CYP27B1: variants seen among roughly 807,000 people sequenced by gnomAD.
CYP27B1 encodes the protein 25-hydroxyvitamin D-1 alpha hydroxylase, mitochondrial.
A neutral mutation model predicts 54.8 loss-of-function variants in CYP27B1; 46 were observed. The observed-to-expected ratio is 0.84, with a 90% CI of 0.66 to 1.07. The LOEUF (loss-of-function observed/expected upper bound fraction) is 1.07. Among genes scored for constraint, CYP27B1 ranks in the 50% least tolerant of loss-of-function variants. The pLI is 0.00. For missense variants in CYP27B1, 674 were observed against 692.2 expected (o/e 0.97, Z 0.30); for synonymous variants, 292 against 297.3 (o/e 0.98, Z 0.18).
At position 57,766,007 on chromosome 12, in the gene CYP27B1, G is replaced by T; in HGVS notation, c.386C>A (p.Ala129Glu). 1 of 1,567,832 alleles carries T rather than the reference G, an allele frequency of 6.4e-7. No homozygotes were observed. The highest frequency in any genetic ancestry group is 8.6e-7 in the Non-Finnish European group (1 of 1,161,750). ...CRQRACGLLT[A>E]EGEEWQRLRS... Reference sequence around the variant, plus strand: ...GCTTCTGGGGGCAGAGAAGACTCACGCAGTGAGCAGTCCGCAAGCCCGCTG... The same window carrying T: ...GCTTCTGGGGGCAGAGAAGACTCACTCAGTGAGCAGTCCGCAAGCCCGCTG... Residue 129 changes from alanine (A) to glutamate (E), a missense_variant and splice_region_variant, in exon 2 of 9, where the codon GCG (alanine) becomes GAG (glutamate). Coordinates refer to ENST00000228606, the MANE Select transcript of CYP27B1 (RefSeq NM_000785.4).
Position 57,766,981 on chromosome 12 carries a change from A to G in CYP27B1, c.61T>C (p.Leu21=). 1.2e-6 allele frequency: 2 copies of G among 1,614,070 alleles called. No individual in the cohort carries two copies. Among genetic ancestry groups the G allele is most frequent in the Non-Finnish European group, 1.7e-6 (2 of 1,180,002 alleles). Residue 21 remains leucine, a synonymous_variant, in exon 1 of 9, where the codon TTG becomes CTG. Coordinates refer to ENST00000228606, the MANE Select transcript of CYP27B1 (RefSeq NM_000785.4). ...TCTCGGTAGCCTAGGGAGGCGCCCA[A>G]CTCGGGCGCCCAGCGGACGCGATGG... ...VFHRVRWAPE[L]GASLGYREYH...
At position 57,765,868 on chromosome 12, in the gene CYP27B1, G is replaced by A; in HGVS notation, c.386+139C>T. 2 of 1,413,930 alleles carry A rather than the reference G, an allele frequency of 1.4e-6. No homozygotes were observed. Among genetic ancestry groups the A allele is most frequent in the Non-Finnish European group, 1.9e-6 (2 of 1,079,090 alleles). 87.6% of individuals were successfully genotyped at this position (1,413,930 alleles called of 1,614,324 possible). A position where few individuals can be genotyped will look rare whatever the true frequency, so the allele number is the denominator to read the frequency against. ...ACCTGAGTGTGGGTGAAGCAGACTG[G>A]GATGGGAACCCCAAGATGCCCAATG... On this transcript the variant is annotated intron_variant, in intron 2 of 8. Coordinates refer to ENST00000228606, the MANE Select transcript of CYP27B1 (RefSeq NM_000785.4). The surrounding 1 kb of genome is among the most constrained non-coding windows in gnomAD (Gnocchi z 5.8).
rs769593161 is a variant in CYP27B1 at position 57,765,368 on chromosome 12, C to A, written c.518G>T (p.Arg173Leu). 1 of 1,613,308 alleles carries A rather than the reference C, an allele frequency of 6.2e-7. No individual in the cohort carries two copies. Among genetic ancestry groups the A allele is most frequent in the East Asian group, 2.2e-5 (1 of 44,880 alleles). Reference protein sequence around the residue: ...CDLVRRLRRQRGRGTGPPALV... With the variant: ...CDLVRRLRRQLGRGTGPPALV... ...GGCGGGCGGCCCCGTGCCACGTCCCCGCTGGCGCCTCAGACGCCGCACAAG... is the reference window on the plus strand; with the variant it reads ...GGCGGGCGGCCCCGTGCCACGTCCCAGCTGGCGCCTCAGACGCCGCACAAG... Residue 173 changes from arginine (R) to leucine (L), a missense_variant, in exon 3 of 9, where the codon CGG becomes CTG. By Grantham distance (102) the Arg-to-Leu change is moderately radical (BLOSUM62 -2). Transcript: ENST00000228606. This position sits in a 1 kb window ranked among gnomAD's most constrained non-coding sequence, Gnocchi z 5.8.
intron 8 of CYP27B1, 129 bp from the exon 9 acceptor site, chr12:57,763,384 C>A: frequency 3.5e-6 from 3 of 865,414 alleles, no homozygotes; most frequent in Middle Eastern, 2.3e-4. Flanking sequence ...GCACCTGTGG[C>A]CAGTAGGGGA....
rs769591385 is a variant in CYP27B1 at position 57,764,420 on chromosome 12, G to A, written c.1094C>T (p.Ser365Phe). 8.7e-6 allele frequency: 14 copies of A among 1,614,078 alleles called. No individual in the cohort carries two copies. The highest frequency in any genetic ancestry group is 6.7e-5 in the East Asian group (3 of 44,896). The stretch of plus-strand genomic sequence containing the variant: ...CACCGCCTTCAGCAGGGGCAGCTGG[G>A]ACAGAACAGTGGCTGAGGGGTAGGC... ...SSAYPSATVL[S>F]QLPLLKAVVK... The change falls in exon 6 of 9, where the codon TCC (serine) becomes TTC (phenylalanine). Residue 365 changes from serine (S) to phenylalanine (F), a missense_variant. Transcript: ENST00000228606.
chr12:57,765,946 AC>A lies in CYP27B1; in HGVS notation c.386+60del. The A allele has an allele frequency of 2.7e-6, 4 of 1,477,660 alleles. No homozygotes were observed. Among genetic ancestry groups the A allele is most frequent in the Non-Finnish European group, 2.7e-6 (3 of 1,116,228 alleles). 91.5% of individuals were successfully genotyped at this position (1,477,660 alleles called of 1,614,324 possible). On this transcript the variant is annotated intron_variant, in intron 2 of 8. Transcript: ENST00000228606. The surrounding 1 kb of genome is among the most constrained non-coding windows in gnomAD (Gnocchi z 5.8). ...ATGCCCCCAGATTGATAGTTTCGGG[AC>A]CCGCAGCAGGAGAGGGCCGCTGCAG...
In CYP27B1 at chr12:57,764,748, C is replaced by A. The variant is rs1162157876; in HGVS notation, c.963+6G>T. The A allele has an allele frequency of 1.9e-6, 3 of 1,613,926 alleles. No homozygotes were observed. Among genetic ancestry groups the A allele is most frequent in the African/African-American group, 2.7e-5 (2 of 74,898 alleles). On this transcript the variant is annotated splice_donor_region_variant and intron_variant, in intron 5 of 8. Coordinates refer to ENST00000228606, the MANE Select transcript of CYP27B1 (RefSeq NM_000785.4). ...ACCGGCTCACAGCACGGAGGGAGAACCTCACCGTGTCCACTCCCGCCAATA... is the reference window on the plus strand; with the variant it reads ...ACCGGCTCACAGCACGGAGGGAGAAACTCACCGTGTCCACTCCCGCCAATA...
At position 57,765,189 on chromosome 12, in the gene CYP27B1, GCCGAGCAGAA is replaced by G; in HGVS notation, c.602_611del (p.Val201AlafsTer31). 6.2e-7 allele frequency: 1 copy of G among 1,613,226 alleles called. No homozygotes were observed. Among genetic ancestry groups the G allele is most frequent in the Admixed American group, 1.7e-5 (1 of 59,986 alleles). On this transcript the variant is annotated frameshift_variant, in exon 4 of 9. Coordinates refer to ENST00000228606, the MANE Select transcript of CYP27B1 (RefSeq NM_000785.4). LOFTEE classifies it high-confidence loss of function. This position sits in a 1 kb window ranked among gnomAD's most constrained non-coding sequence, Gnocchi z 5.8. ...GAGCCTCCAGGCAGCCCAAGCGCGA[GCCGAGCAGAA>G]CCGCGGCGATGCCTTGTCGGGAGGG...
In CYP27B1 at chr12:57,762,979, C is replaced by T. The variant is rs969168633; in HGVS notation, c.*163G>A. On this transcript the variant is annotated 3_prime_UTR_variant, in exon 9 of 9. Transcript: ENST00000228606. ...CTTCCTGAGTCAGGCCAAGTGCATA[C>T]TTCACACATTGGTCAGGGCCGCCTC... The T allele has an allele frequency of 3.0e-6, 2 of 658,704 alleles. No homozygotes were observed. Among genetic ancestry groups the T allele is most frequent in the African/African-American group, 3.6e-5 (2 of 56,248 alleles). 40.8% of individuals were successfully genotyped at this position (658,704 alleles called of 1,614,324 possible).
Position 57,763,137 on chromosome 12 carries a change from T to C in CYP27B1, c.*5A>G, listed in dbSNP as rs896413067. ...GGGTGATGATGACAGTCTCTTTCCA[T>C]GGGACTATCTGTCCAAAAACTGTAG... On this transcript the variant is annotated 3_prime_UTR_variant, in exon 9 of 9. Transcript: ENST00000228606. 1.9e-6 allele frequency: 3 copies of C among 1,592,862 alleles called. No homozygotes were observed. In the African/African-American group the frequency reaches 4.0e-5, roughly 21 times the overall value.
intron 5 of CYP27B1, 94 bp from the exon 6 acceptor site, chr12:57,764,644 C>T: frequency 3.8e-6 from 6 of 1,592,930 alleles, no homozygotes; most frequent in Non-Finnish European, 5.2e-6. Context: ...GGGTGCTAAG[C>T]CAAGCTGGTC....
In CYP27B1 at chr12:57,764,252, T is replaced by C; in HGVS notation, c.1137-76A>G. 5 of 1,568,402 alleles carry C rather than the reference T, an allele frequency of 3.2e-6. No homozygotes were observed. In the South Asian group the frequency reaches 5.5e-5, roughly 17 times the overall value. The stretch of plus-strand genomic sequence containing the variant: ...AGCCCCCTTCTCATTGTTTCCAACT[T>C]CCAAACCCTTTTTGGCCAGGAGTAG... On this transcript the variant is annotated intron_variant, in intron 6 of 8. Transcript: ENST00000228606.
rs1248142861 is a variant in CYP27B1 at position 57,764,712 on chromosome 12, T to C, written c.963+42A>G. 12 of 1,613,222 alleles carry C rather than the reference T, an allele frequency of 7.4e-6. No homozygotes were observed. In the Admixed American group the frequency reaches 1.5e-4, roughly 20 times the overall value. ...AAATGGAGCCGGAGTCTGCGGAGGC[T>C]AAGCCCTGGAACCGGCTCACAGCAC... On this transcript the variant is annotated intron_variant, in intron 5 of 8. Transcript: ENST00000228606.
rs1480567822 is a variant in CYP27B1, at chr12:57,765,363, G to C, written c.523C>G (p.Arg175Gly). 1.2e-6 allele frequency: 2 copies of C among 1,613,380 alleles called. No individual in the cohort carries two copies. Among genetic ancestry groups the C allele is most frequent in the Non-Finnish European group, 1.7e-6 (2 of 1,179,764 alleles). The part of the protein sequence containing the change: ...LVRRLRRQRG[R>G]GTGPPALVRD... ...ACCAGGGCGGGCGGCCCCGTGCCAC[G>C]TCCCCGCTGGCGCCTCAGACGCCGC... The change falls in exon 3 of 9, where the codon CGT (arginine) becomes GGT (glycine). Residue 175 changes from arginine (R) to glycine (G), a missense_variant. By Grantham distance (125) the Arg-to-Gly change is moderately radical (BLOSUM62 -2). Coordinates refer to ENST00000228606, the MANE Select transcript of CYP27B1 (RefSeq NM_000785.4). The surrounding 1 kb of genome is among the most constrained non-coding windows in gnomAD (Gnocchi z 5.8).
chr12:57,766,320 C>T, intron 1 of CYP27B1, 123 bp from the exon 2 acceptor site: 1 of 1,310,910 alleles, frequency 7.6e-7, no homozygotes, highest in Non-Finnish European at 1.0e-6. Context: ...TCTCGGGTGC[C>T]CAACTAGTGT....
In CYP27B1 at chr12:57,766,984, C is replaced by G. The variant is rs775461299; in HGVS notation, c.58G>C (p.Glu20Gln). Residue 20 changes from glutamate (E) to glutamine (Q), a missense_variant, in exon 1 of 9, where the codon GAG becomes CAG. Glu to Gln is a conservative substitution (Grantham distance 29). Transcript: ENST00000228606. Reference sequence around the variant, plus strand: ...CGGTAGCCTAGGGAGGCGCCCAACTCGGGCGCCCAGCGGACGCGATGGAAC... The same window carrying G: ...CGGTAGCCTAGGGAGGCGCCCAACTGGGGCGCCCAGCGGACGCGATGGAAC... Reference protein sequence around the residue: ...RVFHRVRWAPELGASLGYREY... With the variant: ...RVFHRVRWAPQLGASLGYREY... 1 of 1,614,020 alleles carries G rather than the reference C, an allele frequency of 6.2e-7. No individual in the cohort carries two copies. Among genetic ancestry groups the G allele is most frequent in the East Asian group, 2.2e-5 (1 of 44,894 alleles).
Position 57,763,778 on chromosome 12 carries a change from A to G in CYP27B1, c.1246T>C (p.Ser416Pro). ...TCTGGGAACTGGGCAGGGTCCCTTG[A>G]AGTGGCATAGTGACACAGAGTGACC... ...TLVTLCHYATSRDPAQFPEPN... is the reference protein window; with the variant it reads ...TLVTLCHYATPRDPAQFPEPN... The change falls in exon 8 of 9, where the codon TCA becomes CCA. Residue 416 changes from serine (S) to proline (P), a missense_variant. By Grantham distance (74) the Ser-to-Pro change is moderately conservative. Coordinates refer to ENST00000228606, the MANE Select transcript of CYP27B1 (RefSeq NM_000785.4). The G allele has an allele frequency of 6.2e-7, 1 of 1,614,170 alleles. No homozygotes were observed. The highest frequency in any genetic ancestry group is 8.5e-7 in the Non-Finnish European group (1 of 1,180,028).
chr12:57,763,969 G>T, intron 7 of CYP27B1, 129 bp downstream of exon 7: 1 of 1,079,186 alleles, frequency 9.3e-7, no homozygotes, highest in Non-Finnish European at 1.4e-6. Context: ...TTACATCCTA[G>T]AAAGGCATAT....
rs1955336030 is a variant in CYP27B1 at position 57,763,648 on chromosome 12, CG to C, written c.1375del (p.Arg459AlafsTer15). On this transcript the variant is annotated frameshift_variant, in exon 8 of 9. Transcript: ENST00000228606. LOFTEE classifies it high-confidence loss of function. ...CATTTGCAATTCAAGCTCTGCCAGG[CG>C]TCTCCCCATACAGCTGCGCTTGCCA... ...GFGKRSCMGRRLAELELQMAL... is the reference protein window; with the variant it reads ...GFGKRSCMGRXLAELELQMAL... 1 of 1,613,844 alleles carries C rather than the reference CG, an allele frequency of 6.2e-7. No individual in the cohort carries two copies.
Sources: gnomAD v4.1 joint callset for allele counts on GRCh38, gnomAD v4.1.1 for gene constraint, Gnocchi (gnomAD v3.1) non-coding constraint, MANE v1.5 for transcripts, NCBI Gene and HGNC (gene_info 2026-07-23, HGNC 2026-07-21) for gene names.